The following SLC39A8 variants were observed in gnomAD, a reference collection of about 807,000 sequenced individuals.
SLC39A8 encodes solute carrier family 39 member 8, also known as metal cation symporter ZIP8.
Under a neutral mutation model 40.4 loss-of-function variants are expected in SLC39A8, and 15 were observed. That is an observed-to-expected ratio of 0.37 (90% CI 0.25 to 0.57). The LOEUF (loss-of-function observed/expected upper bound fraction) is 0.57, where lower values mean the gene tolerates loss of function less well. SLC39A8 is among the 20% of genes least tolerant of loss of function. The pLI is 0.75. For synonymous variants in SLC39A8, 223 were observed against 221.6 expected, an observed-to-expected ratio of 1.01 and a Z score of -0.06; for missense variants, 472 against 558.8, an observed-to-expected ratio of 0.84 and a Z score of 1.57.
chr4:102,294,757 GA>G (rs966202267), intron 6 of SLC39A8, among the ~76,000 whole-genome samples: 11 of 149,628 alleles, frequency 7.4e-5, no homozygotes, highest in African/African-American at 2.2e-4. Flanking sequence ...AAATCATTAA[GA>G]AAAAAAAACT....
chr4:102,341,010 A>T (rs1735918690), intron 2 of SLC39A8, among the ~76,000 whole-genome samples: 2 of 152,176 alleles, frequency 1.3e-5, no homozygotes, highest in African/African-American at 4.8e-5. Context: ...AGGTCTGGAG[A>T]GGTAGGTTGA....
At chr4:102,268,818 G>A (rs890179130) in intron 6 of SLC39A8, among the ~76,000 whole-genome samples, 2 of 152,074 alleles carry the variant, frequency 1.3e-5, no homozygotes, top group African/African-American at 4.8e-5. Context: ...ATCCTGTGAT[G>A]GACTCTTTGT....
At chr4:102,278,912 G>T (rs912883042) in intron 6 of SLC39A8, among the ~76,000 whole-genome samples, 3 of 151,746 alleles carry the variant, frequency 2.0e-5, no homozygotes, top group African/African-American at 7.3e-5. Flanking sequence ...ACCAAACACC[G>T]CATGTTCTCA....
exon 12 of SLC39A8, chr4:102,251,587 A>G (rs1731593080): frequency 2.0e-5 from 3 of 152,200 alleles, no homozygotes; most frequent in Admixed American, 2.0e-4. Context: ...TATTTAATAC[A>G]TGTTTTACAG....
At chr4:102,336,518 A>C (rs934818405) in intron 2 of SLC39A8, among the ~76,000 whole-genome samples, 3 of 148,762 alleles carry the variant, frequency 2.0e-5, no homozygotes, top group African/African-American at 7.6e-5. Flanking sequence ...ATCAATGCTC[A>C]CTTGATTTTT....
chr4:102,285,522 G>A (rs1389535995), intron 6 of SLC39A8, among the ~76,000 whole-genome samples: 1 of 151,836 alleles, frequency 6.6e-6, no homozygotes, highest in African/African-American at 2.4e-5. Context: ...AAGATTATTA[G>A]TGAAGTATTA....
chr4:102,293,164 C>T (rs1458159372), intron 6 of SLC39A8, among the ~76,000 whole-genome samples: 1 of 151,644 alleles, frequency 6.6e-6, no homozygotes, highest in Non-Finnish European at 1.5e-5. Flanking sequence ...AAAAATCAGC[C>T]AAGTACAGAT....
In SLC39A8 at chr4:102,261,681, G is replaced by C; in HGVS notation, c.*1363C>G. 1 of 977,100 alleles carries C rather than the reference G, an allele frequency of 1.0e-6. No individual in the cohort carries two copies. The allele number at this position is 977,100 out of a possible 1,614,324, so 60.5% of individuals were successfully genotyped here. ...ACACAATACATGGTTTCAAAAGGGTGTTTACTATTTGGCCAAACAATATTT... is the reference window on the plus strand; with the variant it reads ...ACACAATACATGGTTTCAAAAGGGTCTTTACTATTTGGCCAAACAATATTT... On this transcript the variant is annotated 3_prime_UTR_variant, in exon 9 of 9. Coordinates refer to ENST00000356736, the MANE Select transcript of SLC39A8 (RefSeq NM_001135146.2).
intron 6 of SLC39A8, among the ~76,000 whole-genome samples, 200 bp from the exon 7 acceptor site, chr4:102,268,279 C>A (rs1036726675): frequency 1.3e-5 from 2 of 152,216 alleles, no homozygotes; most frequent in Admixed American, 6.5e-5. Flanking sequence ...AACTGACACA[C>A]CTCGAATAAG....
intron 6 of SLC39A8, among the ~76,000 whole-genome samples, chr4:102,282,969 A>G (rs233822): frequency 0.31 from 47,097 of 151,924 alleles, 8,438 homozygotes; most frequent in South Asian, 0.49. Context: ...CTCATGATCC[A>G]CCTGCCTCAG....
intron 2 of SLC39A8, among the ~76,000 whole-genome samples, chr4:102,322,626 C>T (rs1236532093): frequency 6.6e-6 from 1 of 152,110 alleles, no homozygotes; most frequent in South Asian, 2.1e-4. Flanking sequence ...ACCATCTGAT[C>T]CTGTACCATT....
At chr4:102,337,358 A>G (rs1367335228) in intron 2 of SLC39A8, among the ~76,000 whole-genome samples, 3 of 152,164 alleles carry the variant, frequency 2.0e-5, no homozygotes, top group Non-Finnish European at 4.4e-5. Context: ...CTGCCCCTCA[A>G]TATATCCCAA....
chr4:102,261,964 G>A lies in SLC39A8; in HGVS notation c.*1080C>T, dbSNP rs1013045594. On this transcript the variant is annotated 3_prime_UTR_variant, in exon 9 of 9. Coordinates refer to ENST00000356736, the MANE Select transcript of SLC39A8 (RefSeq NM_001135146.2). Reference sequence around the variant, plus strand: ...TAAACAGGCTCTGTCTTTTATAAAAGGTAGAAAAATAACCATGGTGTGCTA... The same window carrying A: ...TAAACAGGCTCTGTCTTTTATAAAAAGTAGAAAAATAACCATGGTGTGCTA... 2.0e-6 allele frequency: 2 copies of A among 985,638 alleles called. No individual in the cohort carries two copies. The highest frequency in any genetic ancestry group is 2.4e-6 in the Non-Finnish European group (2 of 829,844). The allele number at this position is 985,638 out of a possible 1,614,324, so 61.1% of individuals were successfully genotyped here. A position where few individuals can be genotyped will look rare whatever the true frequency, so the allele number is the denominator to read the frequency against.
intron 6 of SLC39A8, among the ~76,000 whole-genome samples, chr4:102,287,227 G>A (rs1316442873): frequency 6.6e-6 from 1 of 152,054 alleles, no homozygotes; most frequent in Non-Finnish European, 1.5e-5. Context: ...GTGAGTTCAT[G>A]AACCCCTTTA....
chr4:102,318,242 G>T (rs1440970198), intron 2 of SLC39A8, among the ~76,000 whole-genome samples: 2 of 152,172 alleles, frequency 1.3e-5, no homozygotes, highest in Non-Finnish European at 2.9e-5. Context: ...CAGCATTTGT[G>T]TTGAAATTTT....
At chr4:102,271,032 G>A (rs181022569) in intron 6 of SLC39A8, among the ~76,000 whole-genome samples, 12 of 151,954 alleles carry the variant, frequency 7.9e-5, no homozygotes, top group Admixed American at 7.2e-4. Context: ...AGCATGAGGA[G>A]GAGGAGGAGG....
In SLC39A8 at chr4:102,268,259, G is replaced by A. The variant is rs13114343; in HGVS notation, c.841-180C>T. The stretch of plus-strand genomic sequence containing the variant: ...AAGAAAACTTATGGTTGAGAGAAAG[G>A]AAATTCATCAACTGACACACCTCGA... On this transcript the variant is annotated intron_variant, in intron 6 of 8. Transcript: ENST00000356736. 0.51 allele frequency among the ~76,000 whole-genome samples: 77,148 copies of A among 152,040 alleles called. 20,477 individuals carry two copies. Among genetic ancestry groups the A allele is most frequent in the Middle Eastern group, 0.6 (176 of 294 alleles).
chr4:102,314,654 G>A (rs1734581519), intron 3 of SLC39A8, among the ~76,000 whole-genome samples: 2 of 152,058 alleles, frequency 1.3e-5, no homozygotes, highest in Admixed American at 1.3e-4. Context: ...CTCTTCACTA[G>A]AGACGACCTT....
chr4:102,307,401 A>C, intron 4 of SLC39A8, 35 bp downstream of exon 4: 2 of 1,602,102 alleles, frequency 1.2e-6, no homozygotes, highest in South Asian at 1.1e-5. Flanking sequence ...CAAAAGAAAC[A>C]ATTATTCACA....
Sources: gnomAD v4.1 joint callset for allele counts (sites outside exome capture counted in the v4.1 genomes callset) on GRCh38, gnomAD v4.1.1 for gene constraint, MANE v1.5 for transcripts, NCBI Gene and HGNC (gene_info 2026-07-23, HGNC 2026-07-21) for gene names.